PLPPR1: variants seen among roughly 807,000 people sequenced by gnomAD.
The protein encoded by PLPPR1 is phospholipid phosphatase-related protein type 1.
Under a neutral mutation model 33.1 loss-of-function variants are expected in PLPPR1, and 10 were observed. The observed-to-expected ratio is 0.30, with a 90% confidence interval of 0.19 to 0.51. The LOEUF is 0.51. PLPPR1 is among the 20% of genes least tolerant of loss of function. The pLI is 0.97. For missense variants in PLPPR1, 304 were observed against 408.1 expected (o/e 0.74, Z 2.20); for synonymous variants, 151 against 151.0 (o/e 1.00, Z 0.00).
At chr9:101,186,049 G>C (rs148419848) in intron 2 of PLPPR1, among the ~76,000 whole-genome samples, 2 of 151,732 alleles carry the variant, frequency 1.3e-5, no homozygotes, top group Admixed American at 6.6e-5. Flanking sequence ...AGAGTATTGG[G>C]AGCTTGTGCA....
At chr9:101,132,472 A>G (rs575683707) in intron 1 of PLPPR1, among the ~76,000 whole-genome samples, 1 of 152,326 alleles carries the variant, frequency 6.6e-6, no homozygotes, top group South Asian at 2.1e-4. Context: ...TATGGAGACA[A>G]TAAGGAGGTC....
intron 1 of PLPPR1, among the ~76,000 whole-genome samples, chr9:101,145,958 T>C (rs375426): frequency 0.47 from 71,225 of 151,822 alleles, 17,211 homozygotes; most frequent in Non-Finnish European, 0.53. Context: ...TGAAGCTGTA[T>C]TGAGCCATGA....
intron 6 of PLPPR1, among the ~76,000 whole-genome samples, chr9:101,313,880 C>A (rs1187834288): frequency 3.3e-5 from 5 of 152,046 alleles, no homozygotes; most frequent in Non-Finnish European, 7.3e-5. Flanking sequence ...ATTAGTTTGC[C>A]TTTTCTACGA....
chr9:101,167,330 C>A (rs758378097), intron 1 of PLPPR1, among the ~76,000 whole-genome samples: 33 of 150,834 alleles, frequency 2.2e-4, no homozygotes, highest in Non-Finnish European at 2.1e-4. Flanking sequence ...GGCAGAACAA[C>A]AGTATCACAG....
chr9:101,075,224 A>G (rs1830522358), intron 1 of PLPPR1, among the ~76,000 whole-genome samples: 1 of 152,216 alleles, frequency 6.6e-6, no homozygotes, highest in Non-Finnish European at 1.5e-5. Flanking sequence ...TGACTTGTTA[A>G]GAGTCATATG....
At chr9:101,190,093 T>C (rs1048591856) in intron 2 of PLPPR1, among the ~76,000 whole-genome samples, 3 of 152,136 alleles carry the variant, frequency 2.0e-5, no homozygotes, top group Non-Finnish European at 2.9e-5. Flanking sequence ...ATTTCTATAT[T>C]CAGCAACCAA....
Position 101,309,204 on chromosome 9 carries a change from C to G in PLPPR1, c.386-7C>G. 6.2e-7 allele frequency: 1 copy of G among 1,613,976 alleles called. No homozygotes were observed. The highest frequency in any genetic ancestry group is 8.5e-7 in the Non-Finnish European group (1 of 1,179,932). On this transcript the variant is annotated splice_region_variant and splice_polypyrimidine_tract_variant and intron_variant, in intron 4 of 7. Coordinates refer to ENST00000374874, the MANE Select transcript of PLPPR1 (RefSeq NM_207299.2). ...ACCATTCCTAATGATTTTAAATCTT[C>G]TTATAGGGGTGTTTGCATTTGGACT...
chr9:101,078,498 A>G (rs575311882), intron 1 of PLPPR1, among the ~76,000 whole-genome samples: 1 of 152,058 alleles, frequency 6.6e-6, no homozygotes, highest in East Asian at 1.9e-4. Flanking sequence ...ATTTTTTTCC[A>G]TGTTGAGATT....
At chr9:101,192,672 C>T (rs1382682663) in intron 2 of PLPPR1, among the ~76,000 whole-genome samples, 3 of 152,138 alleles carry the variant, frequency 2.0e-5, no homozygotes, top group African/African-American at 7.2e-5. Context: ...ATGAAACACA[C>T]ACACACATAC....
intron 1 of PLPPR1, among the ~76,000 whole-genome samples, chr9:101,169,494 T>C (rs556854004): frequency 1.1e-4 from 16 of 152,288 alleles, no homozygotes; most frequent in African/African-American, 3.8e-4. Flanking sequence ...TTCAGGATAC[T>C]CCCTTCCCAT....
chr9:101,170,476 C>T (rs1825925594), intron 1 of PLPPR1, among the ~76,000 whole-genome samples: 2 of 152,176 alleles, frequency 1.3e-5, no homozygotes, highest in Non-Finnish European at 2.9e-5. Flanking sequence ...ATTCAATTAC[C>T]TCCCACTGGG....
chr9:101,031,780 G>T (rs1022515564), intron 1 of PLPPR1, among the ~76,000 whole-genome samples: 10 of 152,176 alleles, frequency 6.6e-5, no homozygotes, highest in African/African-American at 2.4e-4. Flanking sequence ...GGAAAGGATA[G>T]AAAGGACATT....
chr9:101,114,717 G>C (rs1252894956), intron 1 of PLPPR1, among the ~76,000 whole-genome samples: 1 of 152,202 alleles, frequency 6.6e-6, no homozygotes, highest in African/African-American at 2.4e-5. Context: ...TTCTGGGACA[G>C]ATGCTCTTAA....
At chr9:101,174,452 T>C (rs1224928399) in intron 1 of PLPPR1, among the ~76,000 whole-genome samples, 1 of 152,156 alleles carries the variant, frequency 6.6e-6, no homozygotes, top group Non-Finnish European at 1.5e-5. Flanking sequence ...CCACTAGCAA[T>C]TTAACTGACA....
At chr9:101,297,946 T>A (rs1450794414) in intron 4 of PLPPR1, among the ~76,000 whole-genome samples, 3 of 152,166 alleles carry the variant, frequency 2.0e-5, no homozygotes, top group African/African-American at 7.2e-5. Flanking sequence ...CCAAAAAAAA[T>A]GTGAAGTTCA....
chr9:101,247,570 G>A lies in PLPPR1; in HGVS notation c.64-22310G>A, dbSNP rs117898597. ...GCACTTGAGAGAAAGTGGGTGTGCA[G>A]TAGTCTGGGTATGGGTAGTAGTCTG... On this transcript the variant is annotated intron_variant, in intron 2 of 7. Transcript: ENST00000374874. Among the ~76,000 whole-genome samples the A allele has an allele frequency of 1.1e-3, 166 of 152,204 alleles. 1 individual carries two copies. The highest frequency in any genetic ancestry group is 1.9e-3 in the Non-Finnish European group (132 of 67,974).
chr9:101,131,122 T>C (rs2118612771), intron 1 of PLPPR1, among the ~76,000 whole-genome samples: 1 of 152,322 alleles, frequency 6.6e-6, no homozygotes, highest in Non-Finnish European at 1.5e-5. Flanking sequence ...GCATAGTTAA[T>C]AATGATAATC....
chr9:101,143,913 A>C (rs1831488550), intron 1 of PLPPR1, among the ~76,000 whole-genome samples: 3 of 152,212 alleles, frequency 2.0e-5, no homozygotes, highest in African/African-American at 7.2e-5. Flanking sequence ...CATTTGACCC[A>C]GCCATCTCAT....
At chr9:101,204,238 G>A (rs1188388090) in intron 2 of PLPPR1, among the ~76,000 whole-genome samples, 1 of 152,162 alleles carries the variant, frequency 6.6e-6, no homozygotes, top group Non-Finnish European at 1.5e-5. Context: ...AAGCCCATTG[G>A]AGATTTGTAG....
Sources: gnomAD v4.1 joint callset for allele counts (sites outside exome capture counted in the v4.1 genomes callset) on GRCh38, gnomAD v4.1.1 for gene constraint, MANE v1.5 for transcripts, NCBI Gene and HGNC (gene_info 2026-07-23, HGNC 2026-07-21) for gene names.